Variants in RPL23 observed in about 807,000 individuals in gnomAD.
RPL23 encodes large ribosomal subunit protein uL14.
For missense variants in RPL23, 79 were observed against 178.8 expected, an observed-to-expected ratio of 0.44 and a Z score of 3.18; for synonymous variants, 63 against 65.3, an observed-to-expected ratio of 0.97 and a Z score of 0.17.
chr17:38,850,569 G>A (rs890462470), intron 3 of RPL23, 94 bp from the exon 4 acceptor site: 3 of 783,278 alleles, frequency 3.8e-6, no homozygotes, highest in East Asian at 2.5e-5. Flanking sequence ...TACACTCAGC[G>A]TTTGAGACAG....
chr17:38,853,240 G>C (rs1913057806), intron 1 of RPL23, 135 bp from the exon 2 acceptor site: 1 of 725,106 alleles, frequency 1.4e-6, no homozygotes, highest in African/African-American at 1.7e-5. Flanking sequence ...AGCTCGCTCG[G>C]ATTTTACTTA....
Position 38,852,663 on chromosome 17 carries a change from C to T in RPL23, c.167G>A (p.Gly56Asp), listed in dbSNP as rs907186946. Residue 56 changes from glycine to aspartate, a missense_variant, in exon 3 of 5, where the codon GGT becomes GAT. Coordinates refer to ENST00000479035, the MANE Select transcript of RPL23 (RefSeq NM_000978.4). ...KGRLNRLPAAGVGDMVMATVK... is the reference protein window; with the variant it reads ...KGRLNRLPAADVGDMVMATVK... ...TGTGGCCATCACCATGTCACCCACA[C>T]CAGCAGCGGGAAGTCTGTTCAGCCG... 1 of 1,613,542 alleles carries T rather than the reference C, an allele frequency of 6.2e-7. No homozygotes were observed. The highest frequency in any genetic ancestry group is 8.5e-7 in the Non-Finnish European group (1 of 1,180,032).
rs1178158178 is a variant in RPL23 at position 38,853,502 on chromosome 17, G to A, written c.13+196C>T. The A allele has an allele frequency of 5.5e-6, 4 of 732,566 alleles. No homozygotes were observed. The East Asian group carries it at 1.1e-4, about 20-fold the overall frequency. The allele number at this position is 732,566 out of a possible 1,614,324, so 45.4% of individuals were successfully genotyped here. ...GGTATCCAGACTACATTCACGTCGG[G>A]ATCCTGCCATCTCAACTCTCCAGCA... On this transcript the variant is annotated intron_variant, in intron 1 of 4. Coordinates refer to ENST00000479035, the MANE Select transcript of RPL23 (RefSeq NM_000978.4).
At chr17:38,851,936 G>A (rs1230494076) in intron 3 of RPL23, 3 of 152,266 alleles carry the variant, frequency 2.0e-5, no homozygotes, top group Admixed American at 2.0e-4. Context: ...AAGCGCTGAA[G>A]TTAAAATGCA....
At position 38,849,980 on chromosome 17, in the gene RPL23, T is replaced by G. The variant is rs150118530; in HGVS notation, c.*152A>C. On this transcript the variant is annotated 3_prime_UTR_variant, in exon 5 of 5. Coordinates refer to ENST00000479035, the MANE Select transcript of RPL23 (RefSeq NM_000978.4). ...CAAAAATACAAAAACTAGCCAGGCA[T>G]GACGGCAGGTGCCTGTAATCCCAGC... 5 of 568,594 alleles carry G rather than the reference T, an allele frequency of 8.8e-6. No homozygotes were observed. The Admixed American group carries it at 1.7e-4, about 20-fold the overall frequency. 35.2% of individuals were successfully genotyped at this position (568,594 alleles called of 1,614,324 possible).
rs150604660 is a variant in RPL23 at position 38,852,315 on chromosome 17, A to C, written c.226+289T>G. The stretch of plus-strand genomic sequence containing the variant: ...AGGAGGCGGAGGTTGCAGTGAGCCA[A>C]GATCGTGCCATTGCACTCCAGTATG... On this transcript the variant is annotated intron_variant, in intron 3 of 4. Coordinates refer to ENST00000479035, the MANE Select transcript of RPL23 (RefSeq NM_000978.4). 686 of 321,850 alleles carry C rather than the reference A, an allele frequency of 2.1e-3. 5 individuals carry two copies. Among genetic ancestry groups the C allele is most frequent in the African/African-American group, 0.014 (644 of 46,358 alleles). 19.9% of individuals were successfully genotyped at this position (321,850 alleles called of 1,614,324 possible).
chr17:38,852,973 C>A, intron 2 of RPL23, 49 bp downstream of exon 2: 3 of 1,531,466 alleles, frequency 2.0e-6, no homozygotes, highest in Non-Finnish European at 2.7e-6. Context: ...GCCACAGGCC[C>A]ATTGAGTGCT....
Position 38,853,714 on chromosome 17 carries a change from G to C in RPL23, c.-4C>G, listed in dbSNP as rs1176926829. The C allele has an allele frequency of 8.1e-6, 13 of 1,613,912 alleles. No homozygotes were observed. Among genetic ancestry groups the C allele is most frequent in the South Asian group, 3.3e-5 (3 of 91,072 alleles). The stretch of plus-strand genomic sequence containing the variant: ...AAACCTCACCTCGCTTCGACATCTT[G>C]AACGCCGGAAAAAAGAAAAAAGGAA... On this transcript the variant is annotated 5_prime_UTR_variant, in exon 1 of 5. Transcript: ENST00000479035.
chr17:38,852,529 CTG>C (rs1393325874), intron 3 of RPL23, 73 bp downstream of exon 3: 2 of 1,570,456 alleles, frequency 1.3e-6, no homozygotes, highest in African/African-American at 2.7e-5. Flanking sequence ...GCCTTGAAAA[CTG>C]ATCCATTTTC....
chr17:38,853,352 C>G (rs909421278), intron 1 of RPL23: 25 of 693,278 alleles, frequency 3.6e-5, no homozygotes, highest in Non-Finnish European at 5.9e-5. Context: ...TCAACCCTTG[C>G]TCTAACTTTC....
In RPL23 at chr17:38,849,525, A is replaced by C. The variant is rs1912944226; in HGVS notation, c.*607T>G. 1 of 151,078 alleles carries C rather than the reference A, an allele frequency of 6.6e-6. No homozygotes were observed. The highest frequency in any genetic ancestry group is 6.6e-5 in the Admixed American group (1 of 15,212). 9.4% of individuals were successfully genotyped at this position (151,078 alleles called of 1,614,324 possible). A position where few individuals can be genotyped will look rare whatever the true frequency, so the allele number is the denominator to read the frequency against. ...GCTAATTTTTGTATTTTTAGAAAAGAGGAGGTTTCACCACGTTGGTCAGCC... is the reference window on the plus strand; with the variant it reads ...GCTAATTTTTGTATTTTTAGAAAAGCGGAGGTTTCACCACGTTGGTCAGCC... On this transcript the variant is annotated 3_prime_UTR_variant, in exon 5 of 5. Transcript: ENST00000479035.
In RPL23 at chr17:38,850,095, AGT is replaced by A. The variant is rs1491290341; in HGVS notation, c.*35_*36del. The A allele has an allele frequency of 1.0e-5, 9 of 881,570 alleles. No individual in the cohort carries two copies. Among genetic ancestry groups the A allele is most frequent in the Non-Finnish European group, 1.4e-5 (9 of 622,432 alleles). The allele number at this position is 881,570 out of a possible 1,614,324, so 54.6% of individuals were successfully genotyped here. The stretch of plus-strand genomic sequence containing the variant: ...CAAACAAATACTTTTTAATGGGTTT[AGT>A]TTTTTTTTTTATTTTTTACAAATAT... On this transcript the variant is annotated 3_prime_UTR_variant, in exon 5 of 5. Coordinates refer to ENST00000479035, the MANE Select transcript of RPL23 (RefSeq NM_000978.4).
rs772367688 is a variant in RPL23 at position 38,853,110 on chromosome 17, G to A, written c.14-5C>T. ...CACCAGAGGACCCACCACGTCCTGT[G>A]GATATAAAGGGAAGGGAAACAGGAT... On this transcript the variant is annotated splice_region_variant and splice_polypyrimidine_tract_variant and intron_variant, in intron 1 of 4. Coordinates refer to ENST00000479035, the MANE Select transcript of RPL23 (RefSeq NM_000978.4). 5.0e-6 allele frequency: 8 copies of A among 1,610,088 alleles called. No homozygotes were observed. In the South Asian group the frequency reaches 8.8e-5, roughly 18 times the overall value.
At chr17:38,850,738 G>A in intron 3 of RPL23, 1 of 350,010 alleles carries the variant, frequency 2.9e-6, no homozygotes. Context: ...AGTGCTGGGA[G>A]TATAGGGAGT....
Position 38,852,601 on chromosome 17 carries a change from C to T in RPL23, c.226+3G>A, listed in dbSNP as rs368445153. 3 of 1,612,100 alleles carry T rather than the reference C, an allele frequency of 1.9e-6. No homozygotes were observed. In the African/African-American group the frequency reaches 4.0e-5, roughly 22 times the overall value. On this transcript the variant is annotated splice_donor_region_variant and intron_variant, in intron 3 of 4. Transcript: ENST00000479035. ...TATTAAGGTGGGCTCAGTGTTTACT[C>T]ACCCTTTTTTCTGAGCTCTGGTTTG...
At position 38,852,895 on chromosome 17, in the gene RPL23, C is replaced by T. The variant is rs1567687217; in HGVS notation, c.97+127G>A. On this transcript the variant is annotated intron_variant, in intron 2 of 4. Coordinates refer to ENST00000479035, the MANE Select transcript of RPL23 (RefSeq NM_000978.4). ...ACACCACCGATTGAAGCAAACAACA[C>T]ATGTTGCCACTTCACCCAAAAGCGA... is the stretch of plus-strand genomic sequence containing the variant. 3.0e-6 allele frequency: 4 copies of T among 1,349,506 alleles called. No homozygotes were observed. In the East Asian group the frequency reaches 9.2e-5, roughly 31 times the overall value. The allele number at this position is 1,349,506 out of a possible 1,614,324, so 83.6% of individuals were successfully genotyped here.
chr17:38,849,793 C>CA lies in RPL23; in HGVS notation c.*338dup, dbSNP rs933757694. ...AAGATGCTGAAAGTCTGCAAACTCA[C>CA]AAAAAAGCAAGGATTGCTTTAAAAA... On this transcript the variant is annotated 3_prime_UTR_variant, in exon 5 of 5. Coordinates refer to ENST00000479035, the MANE Select transcript of RPL23 (RefSeq NM_000978.4). The CA allele has an allele frequency of 8.3e-5, 16 of 192,760 alleles. No homozygotes were observed. The Admixed American group carries it at 9.2e-4, about 11-fold the overall frequency. The allele number at this position is 192,760 out of a possible 1,614,324, so 11.9% of individuals were successfully genotyped here.
At position 38,848,198 on chromosome 17, in the gene RPL23, C is replaced by T. The variant is rs1394803067; in HGVS notation, c.*1934G>A. 4.3e-6 allele frequency: 4 copies of T among 938,872 alleles called. No homozygotes were observed. Among genetic ancestry groups the T allele is most frequent in the Non-Finnish European group, 5.7e-6 (4 of 697,934 alleles). 58.2% of individuals were successfully genotyped at this position (938,872 alleles called of 1,614,324 possible). A position where few individuals can be genotyped will look rare whatever the true frequency, so the allele number is the denominator to read the frequency against. On this transcript the variant is annotated 3_prime_UTR_variant, in exon 5 of 5. Transcript: ENST00000479035. Reference sequence around the variant, plus strand: ...TAAAGCTGACTTGAAATTGACCATACTCAGGGATGTTATGGTGTAACTCTC... The same window carrying T: ...TAAAGCTGACTTGAAATTGACCATATTCAGGGATGTTATGGTGTAACTCTC...
In RPL23 at chr17:38,847,965, A is replaced by G. The variant is rs1567685579; in HGVS notation, c.*2167T>C. On this transcript the variant is annotated 3_prime_UTR_variant, in exon 5 of 5. Coordinates refer to ENST00000479035, the MANE Select transcript of RPL23 (RefSeq NM_000978.4). ...CACACTTGTAATTGCAGCCCTTTGA[A>G]GGCCACAGCAGGAGGATTCCAAGTC... is the stretch of plus-strand genomic sequence containing the variant. 1 of 1,549,418 alleles carries G rather than the reference A, an allele frequency of 6.5e-7. No homozygotes were observed.
Sources: allele counts gnomAD v4.1 joint callset, GRCh38; gene constraint gnomAD v4.1.1; transcripts MANE v1.5; gene names NCBI Gene and HGNC (gene_info 2026-07-23, HGNC 2026-07-21).